The following MPPED2 variants were observed in gnomAD, a reference collection of about 807,000 sequenced individuals.
MPPED2 encodes the protein metallophosphoesterase domain containing 2.
A neutral mutation model predicts 33.0 loss-of-function variants in MPPED2; 5 were observed. That is an observed-to-expected ratio of 0.15 (90% CI 0.08 to 0.32). MPPED2 has a LOEUF of 0.32. Ranked by LOEUF, MPPED2 falls within the 10% of genes least tolerant of loss-of-function variation. The pLI, the probability that MPPED2 is intolerant of heterozygous loss-of-function variation, is 1.00. For synonymous variants in MPPED2, 136 were observed against 141.9 expected (o/e 0.96, Z 0.29); for missense variants, 275 against 372.1 (o/e 0.74, Z 2.15).
intron 4 of MPPED2, among the ~76,000 whole-genome samples, chr11:30,486,667 G>A (rs932370189): frequency 6.6e-6 from 1 of 152,122 alleles, no homozygotes; most frequent in African/African-American, 2.4e-5. Flanking sequence ...TCTCACTGCC[G>A]TACTGTGAGG....
At chr11:30,561,404 T>C (rs1956233698) in intron 2 of MPPED2, among the ~76,000 whole-genome samples, 1 of 152,208 alleles carries the variant, frequency 6.6e-6, no homozygotes, top group African/African-American at 2.4e-5. Context: ...CAGTCTCAAC[T>C]AAATGTGAAT....
At chr11:30,403,110 G>A (rs1947933466) in intron 6 of MPPED2, among the ~76,000 whole-genome samples, 1 of 152,144 alleles carries the variant, frequency 6.6e-6, no homozygotes, top group African/African-American at 2.4e-5. Context: ...AGCCGGGCAT[G>A]GTGGCGGGCA....
chr11:30,534,611 A>T (rs1008705485), intron 3 of MPPED2, among the ~76,000 whole-genome samples: 1 of 152,210 alleles, frequency 6.6e-6, no homozygotes, highest in African/African-American at 2.4e-5. Flanking sequence ...TAGTACCTAT[A>T]CATTCATTCA....
intron 4 of MPPED2, among the ~76,000 whole-genome samples, chr11:30,476,026 G>T (rs1951176932): frequency 6.6e-6 from 1 of 151,852 alleles, no homozygotes; most frequent in African/African-American, 2.4e-5. Flanking sequence ...TATACTTGTT[G>T]GCCATTTGGA....
intron 2 of MPPED2, among the ~76,000 whole-genome samples, chr11:30,576,045 A>T (rs1264995157): frequency 6.6e-6 from 1 of 152,230 alleles, no homozygotes; most frequent in Non-Finnish European, 1.5e-5. Flanking sequence ...TCAATGAAAA[A>T]ATTATTAATG....
At chr11:30,445,800 G>C (rs1949778276) in intron 4 of MPPED2, among the ~76,000 whole-genome samples, 1 of 152,184 alleles carries the variant, frequency 6.6e-6, no homozygotes, top group Non-Finnish European at 1.5e-5. Flanking sequence ...TCTGTTTTAA[G>C]GCTGATTAAT....
At chr11:30,578,790 C>G (rs916704657) in intron 2 of MPPED2, among the ~76,000 whole-genome samples, 1 of 152,044 alleles carries the variant, frequency 6.6e-6, no homozygotes, top group Admixed American at 6.5e-5. Context: ...TGAAGAAAAA[C>G]AAGTAAATAG....
upstream of MPPED2, chr11:30,586,771 C>T (rs926050984): frequency 4.6e-5 from 7 of 152,222 alleles, no homozygotes; most frequent in Admixed American, 3.9e-4. This position sits in a 1 kb window ranked among gnomAD's most constrained non-coding sequence, Gnocchi z 4.8. Context: ...GTCCTGGCAC[C>T]GTTCCAGGAC....
rs535340318 is a variant in MPPED2, at chr11:30,570,657, G to T, written c.128+9589C>A. 4.6e-5 allele frequency among the ~76,000 whole-genome samples: 7 copies of T among 152,254 alleles called. No homozygotes were observed. In the South Asian group the frequency reaches 1.2e-3, roughly 27 times the overall value. On this transcript the variant is annotated intron_variant, in intron 2 of 6. Transcript: ENST00000358117. Reference sequence around the variant, plus strand: ...TAAAATGCCTATGTCATAGAAGAAGGCTAACTCTTTCAGTAAATTAGGGAA... The same window carrying T: ...TAAAATGCCTATGTCATAGAAGAAGTCTAACTCTTTCAGTAAATTAGGGAA...
intron 6 of MPPED2, among the ~76,000 whole-genome samples, chr11:30,404,762 A>G (rs1335169330): frequency 6.6e-6 from 1 of 152,218 alleles, no homozygotes; most frequent in Non-Finnish European, 1.5e-5. Flanking sequence ...CATGGTAAAT[A>G]CTGGGTCTTA....
intron 4 of MPPED2, among the ~76,000 whole-genome samples, chr11:30,487,669 C>T (rs1208530558): frequency 6.6e-6 from 1 of 151,880 alleles, no homozygotes; most frequent in Non-Finnish European, 1.5e-5. Flanking sequence ...AGAGATGGGG[C>T]CTCACTATGT....
At chr11:30,495,234 G>A in intron 4 of MPPED2, 62 bp downstream of exon 4, 1 of 1,115,332 alleles carries the variant, frequency 9.0e-7, no homozygotes, top group Non-Finnish European at 1.4e-6. Flanking sequence ...CTAAATCTGA[G>A]CTGTGTTTTC....
intron 4 of MPPED2, among the ~76,000 whole-genome samples, chr11:30,442,700 T>A (rs74433638): frequency 3.1e-4 from 47 of 152,178 alleles, no homozygotes; most frequent in Admixed American, 2.6e-3. Context: ...CAGTTGGGGC[T>A]CTTTTCAAAA....
At chr11:30,502,980 A>G (rs111698796) in intron 3 of MPPED2, among the ~76,000 whole-genome samples, 22 of 152,308 alleles carry the variant, frequency 1.4e-4, no homozygotes, top group African/African-American at 5.3e-4. Context: ...TCAATTCCAG[A>G]ACATTTACTT....
At chr11:30,427,785 G>C (rs1029305660) in intron 4 of MPPED2, among the ~76,000 whole-genome samples, 1 of 152,064 alleles carries the variant, frequency 6.6e-6, no homozygotes, top group Non-Finnish European at 1.5e-5. Flanking sequence ...GAAGGGAGAG[G>C]GGAAAGATTA....
intron 3 of MPPED2, among the ~76,000 whole-genome samples, chr11:30,504,583 C>T (rs1001143465): frequency 6.6e-6 from 1 of 152,156 alleles, no homozygotes; most frequent in African/African-American, 2.4e-5. Flanking sequence ...CTCCAGAAAT[C>T]CCCCTTGGCT....
chr11:30,540,088 GA>G (rs1955017108), intron 2 of MPPED2, among the ~76,000 whole-genome samples: 2 of 152,206 alleles, frequency 1.3e-5, no homozygotes, highest in South Asian at 4.1e-4. Flanking sequence ...CCTGGAACCT[GA>G]AGACTAAGTA....
intron 2 of MPPED2, among the ~76,000 whole-genome samples, chr11:30,579,761 T>C (rs955055784): frequency 1.1e-4 from 17 of 151,790 alleles, no homozygotes; most frequent in African/African-American, 4.1e-4. Flanking sequence ...TAGCAGTAGC[T>C]GGACAATTAG....
At chr11:30,489,490 G>A (rs1159034570) in intron 4 of MPPED2, among the ~76,000 whole-genome samples, 1 of 152,236 alleles carries the variant, frequency 6.6e-6, no homozygotes, top group Non-Finnish European at 1.5e-5. Flanking sequence ...GAGGGGAAGA[G>A]AGGAAGGGAA....
Sources: allele counts gnomAD v4.1 joint callset (sites outside exome capture counted in the v4.1 genomes callset), GRCh38; gene constraint gnomAD v4.1.1; non-coding constraint Gnocchi (gnomAD v3.1); transcripts MANE v1.5; gene names NCBI Gene and HGNC (gene_info 2026-07-23, HGNC 2026-07-21).